KSR1: variants seen among roughly 807,000 people sequenced by gnomAD.
The protein encoded by KSR1 is kinase suppressor of ras 1, also known as kinase suppressor of ras.
In KSR1, 35 loss-of-function variants were observed where a neutral mutation model predicts 92.9. The ratio of observed to expected loss-of-function variants is 0.38; its 90% CI spans 0.29 to 0.50. The LOEUF (loss-of-function observed/expected upper bound fraction) is 0.50. KSR1 is among the 20% of genes least tolerant of loss of function. The pLI, the probability that KSR1 is intolerant of heterozygous loss-of-function variation, is 0.94. For synonymous variants in KSR1, 467 were observed against 472.6 expected, an observed-to-expected ratio of 0.99 and a Z score of 0.15; for missense variants, 972 against 1,158.5, an observed-to-expected ratio of 0.84 and a Z score of 2.34.
intron 18 of KSR1, 45 bp from the exon 19 acceptor site, chr17:27,617,250 C>A: frequency 6.4e-7 from 1 of 1,569,040 alleles, no homozygotes; most frequent in East Asian, 2.3e-5. Context: ...GTGCCCCCTC[C>A]CTCCCAGCCA....
intron 4 of KSR1, among the ~76,000 whole-genome samples, chr17:27,584,179 C>T (rs900819526): frequency 6.6e-5 from 10 of 152,130 alleles, no homozygotes; most frequent in South Asian, 2.1e-4. Flanking sequence ...TTTCTCTCCT[C>T]GGCATGGGCA....
chr17:27,582,504 A>G (rs578126371), intron 3 of KSR1, 142 bp from the exon 4 acceptor site: 2 of 714,476 alleles, frequency 2.8e-6, no homozygotes, highest in African/African-American at 3.6e-5. Context: ...TTTATAAACC[A>G]GGTAAAGGTT....
Position 27,600,862 on chromosome 17 carries a change from T to A in KSR1, c.1469-498T>A, listed in dbSNP as rs371266119. 1.8e-4 allele frequency among the ~76,000 whole-genome samples: 28 copies of A among 152,268 alleles called. No homozygotes were observed. The South Asian group carries it at 5.4e-3, about 29-fold the overall frequency. On this transcript the variant is annotated intron_variant, in intron 10 of 20. Coordinates refer to ENST00000644974, the MANE Select transcript of KSR1 (RefSeq NM_001394583.1). ...GCCTAGTTATGTGGCAGAATTGAGG[T>A]TGGAACATGCTGTCAGCTTCCAGAA...
chr17:27,481,896 C>T (rs1355589921), intron 1 of KSR1, among the ~76,000 whole-genome samples: 2 of 152,106 alleles, frequency 1.3e-5, no homozygotes, highest in Non-Finnish European at 1.5e-5. Context: ...AAGCTGGTGC[C>T]CTTGGGCTTT....
intron 1 of KSR1, among the ~76,000 whole-genome samples, chr17:27,467,457 G>A (rs1364818208): frequency 6.6e-6 from 1 of 152,208 alleles, no homozygotes; most frequent in Non-Finnish European, 1.5e-5. Context: ...ATTCTCCCTG[G>A]TGTATCACAG....
chr17:27,615,854 T>C (rs1345793461), intron 18 of KSR1, among the ~76,000 whole-genome samples: 1 of 152,236 alleles, frequency 6.6e-6, no homozygotes, highest in African/African-American at 2.4e-5. Context: ...AAATAGTTAT[T>C]ATTTCATCCT....
At chr17:27,480,942 T>C (rs915457836) in intron 1 of KSR1, among the ~76,000 whole-genome samples, 2 of 152,202 alleles carry the variant, frequency 1.3e-5, no homozygotes, top group Non-Finnish European at 2.9e-5. Context: ...GCAGGGTGTG[T>C]TCCAGGCCTC....
At chr17:27,547,445 C>T (rs2071219868) in intron 1 of KSR1, among the ~76,000 whole-genome samples, 1 of 152,228 alleles carries the variant, frequency 6.6e-6, no homozygotes, top group Non-Finnish European at 1.5e-5. Context: ...GCACAGTTAT[C>T]TTAACAAACA....
At chr17:27,499,374 A>G (rs1038210086) in intron 1 of KSR1, among the ~76,000 whole-genome samples, 1 of 152,190 alleles carries the variant, frequency 6.6e-6, no homozygotes, top group African/African-American at 2.4e-5. Flanking sequence ...TTATCAGTCA[A>G]TTGAAGTAGC....
At chr17:27,545,790 A>C (rs112705803) in intron 1 of KSR1, among the ~76,000 whole-genome samples, 114 of 152,312 alleles carry the variant, frequency 7.5e-4, no homozygotes, top group African/African-American at 2.5e-3. Flanking sequence ...CAGGGGACCG[A>C]GTGCCTCAAA....
chr17:27,612,567 CTT>C (rs1364710187), intron 18 of KSR1: 1 of 152,232 alleles, frequency 6.6e-6, no homozygotes, highest in African/African-American at 2.4e-5. Context: ...TTGTGACTCT[CTT>C]TTGATTCTGA....
rs1175024794 is a variant in KSR1 at position 27,617,390 on chromosome 17, G to A, written c.2589G>A (p.Arg863=). 3.1e-6 allele frequency: 5 copies of A among 1,612,812 alleles called. No homozygotes were observed. Among genetic ancestry groups the A allele is most frequent in the Non-Finnish European group, 4.2e-6 (5 of 1,179,270 alleles). The change falls in exon 19 of 21, where the codon CGG becomes CGA. Residue 863 remains arginine (R), a synonymous_variant. Transcript: ENST00000644974. ...DMLEKLPKLN[R]RLSHPGHFWK... ...TGGAGAAACTTCCCAAGCTGAACCG[G>A]CGGCTCTCCCACCCTGGACACTTCT...
intron 1 of KSR1, among the ~76,000 whole-genome samples, chr17:27,463,595 T>C (rs911676718): frequency 6.6e-6 from 1 of 152,148 alleles, no homozygotes; most frequent in African/African-American, 2.4e-5. Context: ...TCAGGCATTG[T>C]GGCTTCTAGT....
At chr17:27,618,686 A>T (rs2074130991) in intron 19 of KSR1, among the ~76,000 whole-genome samples, 1 of 152,152 alleles carries the variant, frequency 6.6e-6, no homozygotes, top group African/African-American at 2.4e-5. Flanking sequence ...GGAAACTGGG[A>T]TTTCACATGT....
chr17:27,543,892 C>A (rs780408883), intron 1 of KSR1, among the ~76,000 whole-genome samples: 1 of 152,146 alleles, frequency 6.6e-6, no homozygotes. Flanking sequence ...CAGCATTGTC[C>A]TGAAGTCAAG....
chr17:27,593,500 C>T (rs1021333945), intron 9 of KSR1, among the ~76,000 whole-genome samples: 3 of 152,216 alleles, frequency 2.0e-5, no homozygotes, highest in East Asian at 1.9e-4. Context: ...TGGCTCAGGC[C>T]GGAAGAGAAA....
Position 27,588,541 on chromosome 17 carries a change from C to G in KSR1, c.1046+6C>G, listed in dbSNP as rs772576972. 2 of 1,588,724 alleles carry G rather than the reference C, an allele frequency of 1.3e-6. No homozygotes were observed. The highest frequency in any genetic ancestry group is 4.6e-5 in the East Asian group (2 of 43,864). The stretch of plus-strand genomic sequence containing the variant: ...GGGCTGTCGGTGACGCACAGGTAGG[C>G]ACAGCGGGCCTGGAGGGGGAGCAGG... On this transcript the variant is annotated splice_donor_region_variant and intron_variant, in intron 6 of 20. Transcript: ENST00000644974.
chr17:27,533,795 C>A (rs1045194853), intron 1 of KSR1, among the ~76,000 whole-genome samples: 1 of 152,190 alleles, frequency 6.6e-6, no homozygotes, highest in Non-Finnish European at 1.5e-5. Flanking sequence ...CAGTGTCTAG[C>A]GCATAATAGT....
intron 1 of KSR1, among the ~76,000 whole-genome samples, chr17:27,527,674 C>A (rs544665106): frequency 6.6e-6 from 1 of 152,072 alleles, no homozygotes; most frequent in East Asian, 1.9e-4. Context: ...GGATTACAGG[C>A]GTGAGCCATG....
Sources: allele counts gnomAD v4.1 joint callset (sites outside exome capture counted in the v4.1 genomes callset), GRCh38; gene constraint gnomAD v4.1.1; transcripts MANE v1.5; gene names NCBI Gene and HGNC (gene_info 2026-07-23, HGNC 2026-07-21).